PLXDC2: variants seen among roughly 807,000 people sequenced by gnomAD.
PLXDC2 encodes the protein plexin domain-containing protein 2.
In PLXDC2, 40 loss-of-function variants were observed where a neutral mutation model predicts 68.9. That is an observed-to-expected ratio of 0.58 (90% CI 0.45 to 0.76). The LOEUF is 0.76. Among genes scored for constraint, PLXDC2 ranks in the 30% least tolerant of loss-of-function variants. PLXDC2 has a pLI of 0.00. For missense variants in PLXDC2, 644 were observed against 661.9 expected (o/e 0.97, Z 0.30); for synonymous variants, 243 against 234.2 (o/e 1.04, Z -0.34).
intron 9 of PLXDC2, among the ~76,000 whole-genome samples, chr10:20,207,051 G>A (rs918954413): frequency 2.0e-5 from 3 of 151,880 alleles, no homozygotes; most frequent in Non-Finnish European, 4.4e-5. Flanking sequence ...TAGATTACTG[G>A]CCTCTAAAAA....
At chr10:20,261,591 A>C (rs534931657) in intron 13 of PLXDC2, among the ~76,000 whole-genome samples, 1 of 152,320 alleles carries the variant, frequency 6.6e-6, no homozygotes, top group East Asian at 1.9e-4. Flanking sequence ...GTAGTGGCTC[A>C]TGCTTGTAAT....
chr10:19,970,131 G>A (rs1834326389), intron 1 of PLXDC2, among the ~76,000 whole-genome samples: 1 of 152,134 alleles, frequency 6.6e-6, no homozygotes, highest in Non-Finnish European at 1.5e-5. Context: ...CTGCTGCATT[G>A]TTTTCTACTA....
rs56922353 is a variant in PLXDC2, at chr10:19,962,989, CAAAAAAAAAA to C, written c.113-38774_113-38765del. On this transcript the variant is annotated intron_variant, in intron 1 of 13. Coordinates refer to ENST00000377252, the MANE Select transcript of PLXDC2 (RefSeq NM_032812.9). ...TGGGCGACAGAGCGAGACTACGTCT[CAAAAAAAAAA>C]AAAAAAAAAAAGTTTATTTTTTTCT... Among the ~76,000 whole-genome samples the C allele has an allele frequency of 5.5e-3, 489 of 88,222 alleles. 2 individuals carry two copies. Among genetic ancestry groups the C allele is most frequent in the African/African-American group, 0.021 (462 of 21,616 alleles). 57.9% of individuals were successfully genotyped at this position (88,222 alleles called of 152,430 possible).
chr10:19,994,484 A>G (rs1442969155), intron 1 of PLXDC2, among the ~76,000 whole-genome samples: 1 of 150,778 alleles, frequency 6.6e-6, no homozygotes, highest in African/African-American at 2.4e-5. Context: ...ACACACCACC[A>G]TACCCAAATG....
chr10:19,829,911 G>T (rs1392457956), intron 1 of PLXDC2, among the ~76,000 whole-genome samples: 1 of 152,164 alleles, frequency 6.6e-6, no homozygotes, highest in Non-Finnish European at 1.5e-5. Flanking sequence ...ACTTTAATCG[G>T]TGTTATCAAG....
intron 13 of PLXDC2, 151 bp from the exon 14 acceptor site, chr10:20,279,552 G>A: frequency 6.1e-6 from 4 of 655,490 alleles, no homozygotes; most frequent in Non-Finnish European, 1.0e-5. Context: ...TTGATAAGGG[G>A]AATTCTTAAT....
chr10:20,132,475 T>C (rs1022723681), intron 4 of PLXDC2, among the ~76,000 whole-genome samples: 5 of 152,198 alleles, frequency 3.3e-5, no homozygotes, highest in African/African-American at 1.2e-4. Context: ...ATTGTATTGG[T>C]GAACTATTTC....
chr10:19,892,702 C>G (rs1326247), intron 1 of PLXDC2, among the ~76,000 whole-genome samples: 140,516 of 152,276 alleles, frequency 0.92, 64,960 homozygotes, highest in South Asian at 0.96. Context: ...CTTATAGTTT[C>G]GGATTTCTTC....
At chr10:20,071,233 A>C (rs911786050) in intron 4 of PLXDC2, 2 of 152,226 alleles carry the variant, frequency 1.3e-5, no homozygotes, top group African/African-American at 2.4e-5. Context: ...CATTTCATTC[A>C]ATCAGTGTTT....
chr10:20,273,560 ACATAT>A (rs1328451587), intron 13 of PLXDC2, among the ~76,000 whole-genome samples: 1 of 152,210 alleles, frequency 6.6e-6, no homozygotes, highest in East Asian at 1.9e-4. Flanking sequence ...ACACATATAT[ACATAT>A]CATATGTATA....
chr10:20,150,192 A>T (rs1249590935), intron 6 of PLXDC2, among the ~76,000 whole-genome samples: 1 of 152,160 alleles, frequency 6.6e-6, no homozygotes, highest in Non-Finnish European at 1.5e-5. Context: ...TGCATCCATC[A>T]TTATGGTGTC....
intron 13 of PLXDC2, among the ~76,000 whole-genome samples, chr10:20,262,022 C>T (rs1323048776): frequency 1.3e-5 from 2 of 152,290 alleles, no homozygotes; most frequent in Admixed American, 1.3e-4. Flanking sequence ...GCAAATACAG[C>T]ACCTTCAACT....
chr10:20,252,576 C>T (rs1032069181), intron 13 of PLXDC2, among the ~76,000 whole-genome samples: 4 of 152,250 alleles, frequency 2.6e-5, no homozygotes, highest in African/African-American at 9.6e-5. Flanking sequence ...AGGAAATCAA[C>T]TGGTTTTTAG....
At chr10:19,936,567 A>C (rs1833729111) in intron 1 of PLXDC2, among the ~76,000 whole-genome samples, 1 of 152,114 alleles carries the variant, frequency 6.6e-6, no homozygotes, top group African/African-American at 2.4e-5. Flanking sequence ...GCCTGACAAC[A>C]TGTTTGTGAG....
intron 2 of PLXDC2, among the ~76,000 whole-genome samples, chr10:20,018,211 G>A (rs1298413800): frequency 6.6e-6 from 1 of 152,128 alleles, no homozygotes; most frequent in African/African-American, 2.4e-5. Flanking sequence ...TCACCTTCCT[G>A]ATGTAATCTT....
intron 4 of PLXDC2, among the ~76,000 whole-genome samples, chr10:20,126,873 AAT>A (rs1167532685): frequency 6.8e-6 from 1 of 147,772 alleles, no homozygotes; most frequent in Admixed American, 6.8e-5. Context: ...ATGTATATAT[AAT>A]ATATGATATA....
chr10:19,959,726 T>G (rs1834125803), intron 1 of PLXDC2, among the ~76,000 whole-genome samples: 1 of 152,162 alleles, frequency 6.6e-6, no homozygotes, highest in Non-Finnish European at 1.5e-5. Context: ...GAGTGCCAGA[T>G]GTATTTAGAA....
intron 13 of PLXDC2, among the ~76,000 whole-genome samples, chr10:20,270,893 G>A (rs1417129834): frequency 6.6e-6 from 1 of 151,394 alleles, no homozygotes; most frequent in Non-Finnish European, 1.5e-5. Context: ...TGACAGGATG[G>A]ATTTTAGGCA....
intron 1 of PLXDC2, among the ~76,000 whole-genome samples, chr10:19,973,207 T>G (rs1834383737): frequency 2.0e-5 from 3 of 150,618 alleles, no homozygotes; most frequent in Non-Finnish European, 3.0e-5. Flanking sequence ...TTGATTAACT[T>G]TCTTCAAGAT....
Sources: gnomAD v4.1 joint callset for allele counts (sites outside exome capture counted in the v4.1 genomes callset) on GRCh38, gnomAD v4.1.1 for gene constraint, MANE v1.5 for transcripts, NCBI Gene and HGNC (gene_info 2026-07-23, HGNC 2026-07-21) for gene names.